Variants in ANGPT1 observed in about 807,000 individuals in gnomAD.
ANGPT1 encodes the protein angiopoietin-1.
Under a neutral mutation model 62.2 loss-of-function variants are expected in ANGPT1, and 17 were observed. That is an observed-to-expected ratio of 0.27 (90% confidence interval 0.19 to 0.41). The LOEUF is 0.41. ANGPT1 is among the 10% of genes least tolerant of loss of function. ANGPT1 has a pLI of 1.00. For synonymous variants in ANGPT1, 199 were observed against 198.9 expected, an observed-to-expected ratio of 1.00 and a Z score of 0.00; for missense variants, 478 against 594.9, an observed-to-expected ratio of 0.80 and a Z score of 2.04.
rs574087256 is a variant in ANGPT1, at chr8:107,488,813, A to G, written c.297+8449T>C. 2.6e-5 allele frequency among the ~76,000 whole-genome samples: 4 copies of G among 152,306 alleles called. No individual in the cohort carries two copies. The East Asian group carries it at 5.8e-4, about 22-fold the overall frequency. ...TGCTGGGTGGGGCAAACCTTGAGCT[A>G]CAATAAAAACCTACTGAACTTTAAT... On this transcript the variant is annotated intron_variant, in intron 1 of 8. Transcript: ENST00000517746.
intron 5 of ANGPT1, among the ~76,000 whole-genome samples, chr8:107,302,102 C>A (rs1287745567): frequency 6.6e-6 from 1 of 151,864 alleles, no homozygotes; most frequent in Admixed American, 6.6e-5. Context: ...CTATTGAGAC[C>A]TACTATGTGC....
intron 5 of ANGPT1, among the ~76,000 whole-genome samples, chr8:107,300,466 T>A (rs1328876394): frequency 6.6e-6 from 1 of 151,740 alleles, no homozygotes; most frequent in African/African-American, 2.4e-5. Flanking sequence ...AGAATGAACA[T>A]CTAAGTCCAG....
At chr8:107,483,048 C>T (rs186830294) in intron 1 of ANGPT1, among the ~76,000 whole-genome samples, 4 of 152,064 alleles carry the variant, frequency 2.6e-5, no homozygotes, top group Non-Finnish European at 5.9e-5. Flanking sequence ...TTAAAATAGG[C>T]TTATAGAGTT....
intron 1 of ANGPT1, among the ~76,000 whole-genome samples, chr8:107,468,890 G>T (rs1812274336): frequency 6.6e-6 from 1 of 151,996 alleles, no homozygotes; most frequent in South Asian, 2.1e-4. Flanking sequence ...AATTGTTTGA[G>T]AATCAAATCC....
At chr8:107,329,087 C>A (rs982725901) in intron 3 of ANGPT1, among the ~76,000 whole-genome samples, 1 of 151,918 alleles carries the variant, frequency 6.6e-6, no homozygotes, top group Non-Finnish European at 1.5e-5. Context: ...AAATAATCTA[C>A]ACATATATGC....
intron 4 of ANGPT1, among the ~76,000 whole-genome samples, chr8:107,318,817 C>G (rs1182081725): frequency 6.6e-6 from 1 of 152,100 alleles, no homozygotes; most frequent in Non-Finnish European, 1.5e-5. Flanking sequence ...ACATACTCGT[C>G]ATTTCTTTGT....
At chr8:107,328,183 A>G (rs1272343137) in intron 3 of ANGPT1, among the ~76,000 whole-genome samples, 1 of 152,084 alleles carries the variant, frequency 6.6e-6, no homozygotes, top group African/African-American at 2.4e-5. Flanking sequence ...ATTTTCCACT[A>G]TTTTCAACAT....
At chr8:107,396,929 C>A (rs1348978098) in intron 1 of ANGPT1, among the ~76,000 whole-genome samples, 1 of 152,016 alleles carries the variant, frequency 6.6e-6, no homozygotes, top group African/African-American at 2.4e-5. Flanking sequence ...GGCACTTCAG[C>A]AACTCTCCTT....
intron 1 of ANGPT1, among the ~76,000 whole-genome samples, chr8:107,434,263 C>T (rs1379967588): frequency 6.6e-6 from 1 of 152,062 alleles, no homozygotes; most frequent in Non-Finnish European, 1.5e-5. Flanking sequence ...GGAAGTGTAG[C>T]ATGTGTAATA....
chr8:107,376,196 A>G (rs1816527571), intron 1 of ANGPT1, among the ~76,000 whole-genome samples: 1 of 152,212 alleles, frequency 6.6e-6, no homozygotes, highest in African/African-American at 2.4e-5. Context: ...TTCTGTGCCT[A>G]TGTTTCCACA....
intron 1 of ANGPT1, among the ~76,000 whole-genome samples, chr8:107,408,236 G>T (rs569483141): frequency 8.5e-5 from 13 of 152,194 alleles, no homozygotes; most frequent in African/African-American, 2.9e-4. Context: ...ACTTCTAAAT[G>T]TTTGCTATTT....
At chr8:107,493,846 C>T (rs1813027967) in intron 1 of ANGPT1, among the ~76,000 whole-genome samples, 2 of 150,254 alleles carry the variant, frequency 1.3e-5, no homozygotes, top group Non-Finnish European at 3.0e-5. Context: ...AAATCGTCAT[C>T]ATCAATGTGT....
At chr8:107,262,105 TAATCACTTG>T (rs1331247951) in intron 8 of ANGPT1, among the ~76,000 whole-genome samples, 1 of 151,744 alleles carries the variant, frequency 6.6e-6, no homozygotes, top group African/African-American at 2.4e-5. Flanking sequence ...TGAGGCAAGA[TAATCACTTG>T]AACCAGGGAG....
intron 1 of ANGPT1, among the ~76,000 whole-genome samples, chr8:107,349,122 T>TTAGA (rs142050677): frequency 0.4 from 57,377 of 143,610 alleles, 11,515 homozygotes; most frequent in East Asian, 0.41. Flanking sequence ...GATAAGGAGA[T>TTAGA]TAGATAGATA....
At chr8:107,360,827 C>A (rs1052653967) in intron 1 of ANGPT1, among the ~76,000 whole-genome samples, 1 of 152,144 alleles carries the variant, frequency 6.6e-6, no homozygotes, top group Non-Finnish European at 1.5e-5. Flanking sequence ...ACCACTCTCA[C>A]GCTTAGAAAT....
At chr8:107,425,517 C>A (rs1251487697) in intron 1 of ANGPT1, among the ~76,000 whole-genome samples, 1 of 152,126 alleles carries the variant, frequency 6.6e-6, no homozygotes, top group Admixed American at 6.5e-5. Flanking sequence ...TCCCGGCATG[C>A]TTATCTTGCT....
At chr8:107,388,748 G>A (rs1423323698) in intron 1 of ANGPT1, among the ~76,000 whole-genome samples, 4 of 152,088 alleles carry the variant, frequency 2.6e-5, no homozygotes, top group Non-Finnish European at 2.9e-5. Flanking sequence ...TGGCAGAGCC[G>A]AATTGATTGG....
intron 4 of ANGPT1, among the ~76,000 whole-genome samples, chr8:107,306,640 T>C (rs1401096092): frequency 3.3e-5 from 5 of 152,088 alleles, no homozygotes; most frequent in Non-Finnish European, 7.4e-5. Flanking sequence ...TTCCTGAACA[T>C]TGCAAGTGTC....
intron 1 of ANGPT1, among the ~76,000 whole-genome samples, chr8:107,441,505 T>C (rs1811474637): frequency 6.6e-6 from 1 of 152,162 alleles, no homozygotes; most frequent in Non-Finnish European, 1.5e-5. Context: ...CTTAGGACTT[T>C]CTATAATGTG....
Sources: gnomAD v4.1 joint callset for allele counts (sites outside exome capture counted in the v4.1 genomes callset) on GRCh38, gnomAD v4.1.1 for gene constraint, MANE v1.5 for transcripts, NCBI Gene and HGNC (gene_info 2026-07-23, HGNC 2026-07-21) for gene names.